The following SNX18 variants were observed in gnomAD, a reference collection of about 807,000 sequenced individuals.
The protein encoded by SNX18 is sorting nexin-18.
Under a neutral mutation model 48.7 loss-of-function variants are expected in SNX18, and 35 were observed. The observed-to-expected ratio is 0.72, with a 90% CI of 0.55 to 0.95. The LOEUF is 0.95. Among genes scored for constraint, SNX18 ranks in the 40% least tolerant of loss-of-function variants. SNX18 has a pLI of 0.00. For synonymous variants in SNX18, 492 were observed against 384.7 expected (o/e 1.28, Z -3.26); for missense variants, 824 against 871.0 (o/e 0.95, Z 0.68).
At chr5:54,646,710 A>G in the SNX18 span, among the ~76,000 whole-genome samples, 1 of 152,210 alleles carries the variant, frequency 6.6e-6, no homozygotes, top group Non-Finnish European at 1.5e-5. Flanking sequence ...ATGCCAAGAT[A>G]TGTGTTTAGC....
At chr5:54,589,430 C>A in the SNX18 span, among the ~76,000 whole-genome samples, 7 of 152,096 alleles carry the variant, frequency 4.6e-5, no homozygotes, top group African/African-American at 1.7e-4. Context: ...GCCTTCTTAA[C>A]TTAAGGGAAA....
At chr5:54,583,098 C>G in the SNX18 span, among the ~76,000 whole-genome samples, 2 of 152,118 alleles carry the variant, frequency 1.3e-5, no homozygotes, top group Non-Finnish European at 2.9e-5. Context: ...GTTTCCCCAA[C>G]CAGATGGTAA....
downstream of SNX18, among the ~76,000 whole-genome samples, chr5:54,551,010 A>G (rs1262336984): frequency 6.6e-6 from 1 of 152,128 alleles, no homozygotes; most frequent in Non-Finnish European, 1.5e-5. Flanking sequence ...TCTTTTGAAT[A>G]TAAACGATTG....
At chr5:54,548,714 ATACT>A (rs1469462287), downstream of SNX18, among the ~76,000 whole-genome samples, 3 of 152,226 alleles carry the variant, frequency 2.0e-5, no homozygotes, top group East Asian at 1.9e-4. Context: ...TTAGAAGTAG[ATACT>A]TAATAAATGT....
the SNX18 span, among the ~76,000 whole-genome samples, chr5:54,622,275 G>A: frequency 2.0e-5 from 3 of 152,190 alleles, no homozygotes; most frequent in African/African-American, 7.2e-5. Flanking sequence ...AAGGTCGGAG[G>A]ATCACTTGAG....
At chr5:54,642,772 A>G in the SNX18 span, among the ~76,000 whole-genome samples, 4 of 152,232 alleles carry the variant, frequency 2.6e-5, no homozygotes, top group South Asian at 2.1e-4. Flanking sequence ...ATGGCCTACC[A>G]TATCAGCAAG....
the SNX18 span, among the ~76,000 whole-genome samples, chr5:54,556,683 G>T: frequency 3.6e-4 from 54 of 152,084 alleles, no homozygotes; most frequent in Non-Finnish European, 4.6e-4. Context: ...GAGGGGGTTG[G>T]TATGCAGCTT....
the SNX18 span, among the ~76,000 whole-genome samples, chr5:54,567,251 G>A: frequency 5.3e-5 from 8 of 151,946 alleles, no homozygotes; most frequent in Non-Finnish European, 8.8e-5. Context: ...GGAGATGGGA[G>A]GATGATGTCC....
the SNX18 span, among the ~76,000 whole-genome samples, chr5:54,622,944 A>T: frequency 6.6e-6 from 1 of 152,250 alleles, no homozygotes. Flanking sequence ...AGCAGAAAAG[A>T]ATAAATATCA....
intron 1 of SNX18, among the ~76,000 whole-genome samples, chr5:54,532,271 G>A (rs1211187195): frequency 3.3e-5 from 5 of 150,234 alleles, no homozygotes; most frequent in East Asian, 2.0e-4. Flanking sequence ...GTCACGTGTC[G>A]AAAGTGTTGG....
At chr5:54,620,450 C>G in the SNX18 span, among the ~76,000 whole-genome samples, 16 of 152,156 alleles carry the variant, frequency 1.1e-4, no homozygotes, top group African/African-American at 2.7e-4. Context: ...AGGTCACTGT[C>G]AACTTCCTTC....
chr5:54,556,311 G>A, the SNX18 span, among the ~76,000 whole-genome samples: 5 of 152,114 alleles, frequency 3.3e-5, no homozygotes, highest in Middle Eastern at 3.2e-3. Context: ...AAAAATCAAG[G>A]CATCGGCCGG....
At chr5:54,566,523 A>AT in the SNX18 span, among the ~76,000 whole-genome samples, 1 of 152,150 alleles carries the variant, frequency 6.6e-6, no homozygotes. Context: ...AGAAGCTTAG[A>AT]TTTTTCCCCT....
At chr5:54,622,572 A>G in the SNX18 span, among the ~76,000 whole-genome samples, 1 of 149,420 alleles carries the variant, frequency 6.7e-6, no homozygotes, top group Non-Finnish European at 1.5e-5. Flanking sequence ...GCTTTTAAAC[A>G]TCTGTATTAG....
rs534170962 is a variant in SNX18, at chr5:54,522,160, T to A, written c.1621+2587T>A. On this transcript the variant is annotated intron_variant, in intron 1 of 1. Transcript: ENST00000381410. Reference sequence around the variant, plus strand: ...ATACATAAGGCTAAAAGCATTTGCCTATAACCAGTGTTTATCAAGGATGCT... The same window carrying A: ...ATACATAAGGCTAAAAGCATTTGCCAATAACCAGTGTTTATCAAGGATGCT... Among the ~76,000 whole-genome samples, 14 of 152,360 alleles carry A rather than the reference T, an allele frequency of 9.2e-5. No individual in the cohort carries two copies. In the South Asian group the frequency reaches 2.9e-3, roughly 32 times the overall value.
the SNX18 span, among the ~76,000 whole-genome samples, chr5:54,627,291 G>T: frequency 6.6e-6 from 1 of 152,066 alleles, no homozygotes; most frequent in Non-Finnish European, 1.5e-5. Context: ...AAATATAATC[G>T]TACTCTTCCT....
chr5:54,532,607 T>G (rs955717336), intron 1 of SNX18, among the ~76,000 whole-genome samples: 1 of 152,210 alleles, frequency 6.6e-6, no homozygotes, highest in African/African-American at 2.4e-5. Flanking sequence ...CATCTATATT[T>G]GCTTGGCTAC....
At chr5:54,630,732 G>C in the SNX18 span, among the ~76,000 whole-genome samples, 1 of 151,908 alleles carries the variant, frequency 6.6e-6, no homozygotes, top group East Asian at 1.9e-4. Context: ...TACTCTGGAG[G>C]CTGAGGCAGG....
chr5:54,646,438 T>C, the SNX18 span, among the ~76,000 whole-genome samples: 1 of 152,262 alleles, frequency 6.6e-6, no homozygotes, highest in Non-Finnish European at 1.5e-5. Context: ...AGCCAGTGCC[T>C]GGATCCACAG....
Sources: gnomAD v4.1 joint callset for allele counts (sites outside exome capture counted in the v4.1 genomes callset) on GRCh38, gnomAD v4.1.1 for gene constraint, MANE v1.5 for transcripts, NCBI Gene and HGNC (gene_info 2026-07-23, HGNC 2026-07-21) for gene names.